MCUB: variants seen among roughly 807,000 people sequenced by gnomAD.
The protein encoded by MCUB is calcium uniporter regulatory subunit MCUb, mitochondrial.
Under a neutral mutation model 41.4 loss-of-function variants are expected in MCUB, and 46 were observed. The observed-to-expected ratio is 1.11, with a 90% confidence interval of 0.88 to 1.42. The LOEUF is 1.42. MCUB is among the 40% of genes most tolerant of loss of function. The pLI is 0.00. For synonymous variants in MCUB, 148 were observed against 148.2 expected, an observed-to-expected ratio of 1.00 and a Z score of 0.01; for missense variants, 403 against 404.9, an observed-to-expected ratio of 1.00 and a Z score of 0.04.
intron 1 of MCUB, among the ~76,000 whole-genome samples, chr4:109,580,270 A>G (rs561495240): frequency 2.1e-4 from 32 of 152,224 alleles, no homozygotes; most frequent in Admixed American, 1.8e-3. Context: ...TTCTTAATCC[A>G]GTCTATCATT....
At chr4:109,637,391 A>T (rs553921995) in intron 1 of MCUB, among the ~76,000 whole-genome samples, 2 of 152,378 alleles carry the variant, frequency 1.3e-5, no homozygotes, top group South Asian at 4.1e-4. Flanking sequence ...AAATGACTTT[A>T]TACAAGTATC....
intron 1 of MCUB, among the ~76,000 whole-genome samples, chr4:109,612,099 T>G (rs1728020244): frequency 6.6e-6 from 1 of 152,120 alleles, no homozygotes; most frequent in East Asian, 1.9e-4. Context: ...AAAGAGACAT[T>G]TATTTCTCAC....
chr4:109,560,296 C>T lies in MCUB; in HGVS notation c.-42C>T, dbSNP rs1007488293. ...CGAGGAGCCCGGCTGAGGGAGGATG[C>T]GCCGCTGACGCCTGCGGGAGCCGCG... On this transcript the variant is annotated 5_prime_UTR_variant, in exon 1 of 8. Transcript: ENST00000394650. The T allele has an allele frequency of 3.9e-6, 4 of 1,024,772 alleles. No individual in the cohort carries two copies. Among genetic ancestry groups the T allele is most frequent in the African/African-American group, 1.7e-5 (1 of 59,818 alleles). The allele number at this position is 1,024,772 out of a possible 1,614,324, so 63.5% of individuals were successfully genotyped here.
intron 1 of MCUB, among the ~76,000 whole-genome samples, chr4:109,654,126 T>C (rs1290760004): frequency 6.6e-6 from 1 of 152,208 alleles, no homozygotes; most frequent in African/African-American, 2.4e-5. Flanking sequence ...TGTTTTTTTT[T>C]TCTTAGCATT....
chr4:109,586,432 G>A (rs1430582816), intron 1 of MCUB, among the ~76,000 whole-genome samples: 1 of 152,106 alleles, frequency 6.6e-6, no homozygotes, highest in Non-Finnish European at 1.5e-5. Flanking sequence ...TGTTATTACT[G>A]ACCTTCTGAA....
intron 1 of MCUB, among the ~76,000 whole-genome samples, chr4:109,653,662 C>T (rs1214891878): frequency 6.6e-6 from 1 of 152,106 alleles, no homozygotes; most frequent in Admixed American, 6.5e-5. Flanking sequence ...CTGCAAACTC[C>T]ACCTCCCGGG....
Position 109,566,070 on chromosome 4 carries a change from G to C in MCUB, c.99+5634G>C, listed in dbSNP as rs575095372. Among the ~76,000 whole-genome samples the C allele has an allele frequency of 8.6e-5, 13 of 151,718 alleles. No individual in the cohort carries two copies. The South Asian group carries it at 2.7e-3, about 31-fold the overall frequency. On this transcript the variant is annotated intron_variant, in intron 1 of 7. Coordinates refer to ENST00000394650, the MANE Select transcript of MCUB (RefSeq NM_017918.5). ...AAGGTCTCACTATGTTGCCCAGGCT[G>C]GTCTCAACCCTGTGGGCTCAAGTGA...
chr4:109,664,167 C>G (rs1321112147), intron 3 of MCUB, 123 bp from the exon 4 acceptor site: 8 of 646,262 alleles, frequency 1.2e-5, no homozygotes, highest in African/African-American at 1.1e-4. Context: ...GGACACCCCC[C>G]ACAAAAGTAA....
chr4:109,646,304 C>T (rs1728836356), intron 1 of MCUB, among the ~76,000 whole-genome samples: 1 of 152,170 alleles, frequency 6.6e-6, no homozygotes, highest in African/African-American at 2.4e-5. Context: ...CTTCCTCTGG[C>T]CCCCTCTTCC....
intron 1 of MCUB, among the ~76,000 whole-genome samples, chr4:109,620,419 A>G (rs1728227938): frequency 6.6e-6 from 1 of 150,986 alleles, no homozygotes; most frequent in African/African-American, 2.4e-5. Context: ...GTATCATAGA[A>G]GGATTTTAGT....
chr4:109,575,512 C>T (rs887665350), intron 1 of MCUB, among the ~76,000 whole-genome samples: 6 of 152,134 alleles, frequency 3.9e-5, no homozygotes, highest in Non-Finnish European at 4.4e-5. Context: ...CACTTTATAA[C>T]GAATCCAGCC....
At chr4:109,592,891 C>G (rs1402236684) in intron 1 of MCUB, among the ~76,000 whole-genome samples, 1 of 152,148 alleles carries the variant, frequency 6.6e-6, no homozygotes, top group Non-Finnish European at 1.5e-5. Context: ...TTTGAAAGCT[C>G]TAATATACAC....
rs1561235109 is a variant in MCUB at position 109,634,952 on chromosome 4, GC to G, written c.100-24053del. 1.3e-5 allele frequency among the ~76,000 whole-genome samples: 2 copies of G among 150,712 alleles called. 1 individual carries two copies. The highest frequency in any genetic ancestry group is 3.0e-5 in the Non-Finnish European group (2 of 67,756). ...ATTTCTCCTAATGCTCTCTCCCCTA[GC>G]CCCCCAACCCCCTGATAGGCCCCAG... is the stretch of plus-strand genomic sequence containing the variant. On this transcript the variant is annotated intron_variant, in intron 1 of 7. Coordinates refer to ENST00000394650, the MANE Select transcript of MCUB (RefSeq NM_017918.5).
intron 1 of MCUB, among the ~76,000 whole-genome samples, chr4:109,617,370 G>A (rs1270052438): frequency 6.6e-6 from 1 of 152,184 alleles, no homozygotes; most frequent in Non-Finnish European, 1.5e-5. Flanking sequence ...ATCAGTCAAT[G>A]TGACAGCCAA....
intron 1 of MCUB, among the ~76,000 whole-genome samples, chr4:109,626,843 AAAG>A (rs1561232132): frequency 1.4e-5 from 2 of 139,752 alleles, no homozygotes; most frequent in African/African-American, 5.1e-5. Context: ...AAAAAAAAAA[AAAG>A]GAAGCCTGGA....
intron 1 of MCUB, among the ~76,000 whole-genome samples, chr4:109,592,624 C>T (rs554496213): frequency 6.6e-5 from 10 of 152,126 alleles, no homozygotes; most frequent in Non-Finnish European, 1.5e-4. Context: ...ATCATTTACT[C>T]CAGCCTAGAA....
rs1303349477 is a variant in MCUB at position 109,597,722 on chromosome 4, C to T, written c.99+37286C>T. ...CTCCCTCCTGGACGGGGCGGCTGGCCGGGCGGGGGGCTGACCCCCCCACCT... is the reference window on the plus strand; with the variant it reads ...CTCCCTCCTGGACGGGGCGGCTGGCTGGGCGGGGGGCTGACCCCCCCACCT... On this transcript the variant is annotated intron_variant, in intron 1 of 7. Coordinates refer to ENST00000394650, the MANE Select transcript of MCUB (RefSeq NM_017918.5). Among the ~76,000 whole-genome samples the T allele has an allele frequency of 1.5e-4, 21 of 141,392 alleles. No homozygotes were observed. The South Asian group carries it at 2.6e-3, about 17-fold the overall frequency. The allele number at this position is 141,392 out of a possible 152,430, so 92.8% of individuals were successfully genotyped here.
chr4:109,648,281 G>A (rs565886290), intron 1 of MCUB, among the ~76,000 whole-genome samples: 2 of 152,296 alleles, frequency 1.3e-5, no homozygotes, highest in South Asian at 4.1e-4. Flanking sequence ...TGGTCCTGTT[G>A]AGATCAGTTC....
At chr4:109,570,702 T>G (rs1456846253) in intron 1 of MCUB, among the ~76,000 whole-genome samples, 1 of 152,236 alleles carries the variant, frequency 6.6e-6, no homozygotes, top group Non-Finnish European at 1.5e-5. Context: ...ACAGATGTTA[T>G]GCTAGAGGAC....
Sources: allele counts gnomAD v4.1 joint callset (sites outside exome capture counted in the v4.1 genomes callset), GRCh38; gene constraint gnomAD v4.1.1; transcripts MANE v1.5; gene names NCBI Gene and HGNC (gene_info 2026-07-23, HGNC 2026-07-21).